The following RHBDD1 variants were observed in gnomAD, a reference collection of about 807,000 sequenced individuals.
The protein encoded by RHBDD1 is rhomboid-related protein 4.
Under a neutral mutation model 36.3 loss-of-function variants are expected in RHBDD1, and 38 were observed. That is an observed-to-expected ratio of 1.05 (90% confidence interval 0.81 to 1.37). The LOEUF (loss-of-function observed/expected upper bound fraction) is 1.37. Among genes scored for constraint, RHBDD1 ranks in the 40% most tolerant of loss-of-function variants. The probability of loss-of-function intolerance (pLI) is 0.00; values close to 1 mark genes in which losing one functional copy is unlikely to be tolerated. For synonymous variants in RHBDD1, 151 were observed against 136.5 expected (o/e 1.11, Z -0.74); for missense variants, 393 against 377.6 (o/e 1.04, Z -0.34).
intron 8 of RHBDD1, among the ~76,000 whole-genome samples, chr2:226,915,878 G>A (rs1575086120): frequency 1.3e-5 from 2 of 152,202 alleles, no homozygotes; most frequent in Admixed American, 1.3e-4. Flanking sequence ...GTAAACATTT[G>A]TTCTTGCTCA....
At chr2:226,988,122 A>C (rs1452870563) in intron 8 of RHBDD1, among the ~76,000 whole-genome samples, 1 of 152,120 alleles carries the variant, frequency 6.6e-6, no homozygotes, top group Non-Finnish European at 1.5e-5. Context: ...ATTTTATTCT[A>C]TTTTGAGCTC....
At chr2:226,882,483 T>C (rs1352804282) in intron 5 of RHBDD1, among the ~76,000 whole-genome samples, 1 of 134,216 alleles carries the variant, frequency 7.5e-6, no homozygotes, top group African/African-American at 2.7e-5. Context: ...AAAGAAATGA[T>C]AAGATGGGTT....
the RHBDD1 span, among the ~76,000 whole-genome samples, chr2:226,818,221 G>A: frequency 6.2e-5 from 9 of 145,384 alleles, no homozygotes; most frequent in African/African-American, 7.6e-5. Context: ...GTGCAGTGGC[G>A]CGGTCTCAGC....
chr2:226,862,022 G>C (rs965413082), intron 3 of RHBDD1, among the ~76,000 whole-genome samples: 1 of 152,250 alleles, frequency 6.6e-6, no homozygotes, highest in African/African-American at 2.4e-5. Context: ...GTGTGTGTAT[G>C]CATACACATA....
chr2:226,828,715 G>T, the RHBDD1 span, among the ~76,000 whole-genome samples: 2 of 151,944 alleles, frequency 1.3e-5, no homozygotes, highest in Non-Finnish European at 2.9e-5. Context: ...CTTTGATGAA[G>T]AATATATTCA....
At chr2:226,958,142 G>T (rs1469180925) in intron 8 of RHBDD1, among the ~76,000 whole-genome samples, 1 of 152,152 alleles carries the variant, frequency 6.6e-6, no homozygotes. Flanking sequence ...CCCAAATGCT[G>T]ATCAAATTGA....
the RHBDD1 span, among the ~76,000 whole-genome samples, chr2:226,808,830 G>C: frequency 6.6e-6 from 1 of 152,030 alleles, no homozygotes; most frequent in South Asian, 2.1e-4. Flanking sequence ...TAAAAGGGCA[G>C]GGAACCTAGA....
intron 8 of RHBDD1, among the ~76,000 whole-genome samples, chr2:226,920,819 G>A (rs12614648): frequency 0.5 from 76,254 of 151,872 alleles, 20,030 homozygotes; most frequent in African/African-American, 0.67. Flanking sequence ...ATTGGCCTGT[G>A]GTTTTCTTTG....
chr2:226,812,744 A>G, the RHBDD1 span, among the ~76,000 whole-genome samples: 1 of 151,628 alleles, frequency 6.6e-6, no homozygotes, highest in Non-Finnish European at 1.5e-5. Context: ...CTGGGAGGGG[A>G]CTCATTTAAA....
intron 8 of RHBDD1, among the ~76,000 whole-genome samples, chr2:226,964,305 G>T (rs1357442441): frequency 6.6e-6 from 1 of 152,156 alleles, no homozygotes; most frequent in South Asian, 2.1e-4. Flanking sequence ...CCTCTATGTT[G>T]CTAAGGCCTG....
chr2:226,977,027 G>A (rs945019254), intron 8 of RHBDD1, among the ~76,000 whole-genome samples: 48 of 152,180 alleles, frequency 3.2e-4, no homozygotes, highest in Admixed American at 1.8e-3. Flanking sequence ...CTTCAGGCTG[G>A]GATAAGGCTG....
At chr2:226,805,508 C>CA in the RHBDD1 span, among the ~76,000 whole-genome samples, 8 of 152,220 alleles carry the variant, frequency 5.3e-5, no homozygotes, top group African/African-American at 1.9e-4. Flanking sequence ...CCACCACACC[C>CA]AACCACTGTT....
chr2:226,820,885 T>C, the RHBDD1 span, among the ~76,000 whole-genome samples: 2 of 152,070 alleles, frequency 1.3e-5, no homozygotes, highest in Non-Finnish European at 2.9e-5. Flanking sequence ...GCCAGAAAGT[T>C]AGCTGGTGTG....
chr2:226,854,253 G>C (rs954047509), intron 3 of RHBDD1, among the ~76,000 whole-genome samples: 2 of 151,948 alleles, frequency 1.3e-5, no homozygotes, highest in Non-Finnish European at 2.9e-5. Flanking sequence ...TTATTATTTA[G>C]TATCTGTTTT....
intron 5 of RHBDD1, among the ~76,000 whole-genome samples, chr2:226,872,312 AATAAT>A (rs1944858413): frequency 6.6e-6 from 1 of 152,344 alleles, no homozygotes; most frequent in African/African-American, 2.4e-5. Flanking sequence ...AATCCATACA[AATAAT>A]ATAATATTAA....
the RHBDD1 span, among the ~76,000 whole-genome samples, chr2:226,821,937 A>G: frequency 2.0e-4 from 31 of 152,158 alleles, no homozygotes; most frequent in Non-Finnish European, 3.8e-4. Context: ...ATCCTCTTAG[A>G]AAAAATTTCG....
At chr2:226,995,369 T>C (rs1192098420) in intron 8 of RHBDD1, 62 bp from the exon 9 acceptor site, 4 of 1,006,296 alleles carry the variant, frequency 4.0e-6, no homozygotes, top group Non-Finnish European at 6.3e-6. Context: ...CTTGGAATCC[T>C]AGGGTACACA....
At chr2:226,900,018 G>A (rs1329268517) in intron 5 of RHBDD1, among the ~76,000 whole-genome samples, 1 of 152,178 alleles carries the variant, frequency 6.6e-6, no homozygotes, top group Admixed American at 6.5e-5. Context: ...GCTGATGTCT[G>A]AAATTCTTGT....
intron 8 of RHBDD1, among the ~76,000 whole-genome samples, chr2:226,974,969 CT>C (rs1307597805): frequency 6.6e-6 from 1 of 152,210 alleles, no homozygotes; most frequent in Admixed American, 6.5e-5. Flanking sequence ...CCTAGTTCCA[CT>C]GCTCTGATGG....
Sources: gnomAD v4.1 joint callset for allele counts (sites outside exome capture counted in the v4.1 genomes callset) on GRCh38, gnomAD v4.1.1 for gene constraint, MANE v1.5 for transcripts, NCBI Gene and HGNC (gene_info 2026-07-23, HGNC 2026-07-21) for gene names.